Variants in PRKCE observed in about 807,000 individuals in gnomAD.
PRKCE encodes the protein protein kinase C epsilon type.
A neutral mutation model predicts 85.4 loss-of-function variants in PRKCE; 16 were observed. That is an observed-to-expected ratio of 0.19 (90% CI 0.13 to 0.28). The LOEUF (loss-of-function observed/expected upper bound fraction) is 0.28. Among genes scored for constraint, PRKCE ranks in the 10% least tolerant of loss-of-function variants. The pLI, the probability that PRKCE is intolerant of heterozygous loss-of-function variation, is 1.00. For missense variants in PRKCE, 573 were observed against 975.2 expected, an observed-to-expected ratio of 0.59 and a Z score of 5.49; for synonymous variants, 388 against 371.5, an observed-to-expected ratio of 1.04 and a Z score of -0.51.
chr2:45,671,565 G>T (rs1366532187), intron 1 of PRKCE, among the ~76,000 whole-genome samples: 1 of 151,952 alleles, frequency 6.6e-6, no homozygotes, highest in Non-Finnish European at 1.5e-5. Flanking sequence ...CTTATTCTTT[G>T]CCTTCCATTC....
intron 11 of PRKCE, among the ~76,000 whole-genome samples, chr2:46,116,446 T>C (rs1357468100): frequency 6.6e-6 from 1 of 152,234 alleles, no homozygotes; most frequent in African/African-American, 2.4e-5. Context: ...AATAATTAGA[T>C]GATTAAGAAA....
At chr2:45,966,551 T>C (rs540096358) in intron 2 of PRKCE, among the ~76,000 whole-genome samples, 2 of 152,214 alleles carry the variant, frequency 1.3e-5, no homozygotes, top group Non-Finnish European at 2.9e-5. Context: ...TTCTTTGTGT[T>C]GTAAAATTAC....
chr2:45,831,313 A>T (rs2105398025), intron 1 of PRKCE, among the ~76,000 whole-genome samples: 1 of 152,378 alleles, frequency 6.6e-6, no homozygotes, highest in African/African-American at 2.4e-5. Context: ...TATACACAAA[A>T]CATGGAAATT....
chr2:45,884,258 C>T (rs1695082130), intron 2 of PRKCE, among the ~76,000 whole-genome samples: 1 of 152,170 alleles, frequency 6.6e-6, no homozygotes, highest in Non-Finnish European at 1.5e-5. Flanking sequence ...CCTCTGAGTT[C>T]AGTTTCCTCC....
chr2:45,787,187 A>G (rs943608207), intron 1 of PRKCE, among the ~76,000 whole-genome samples: 1 of 152,228 alleles, frequency 6.6e-6, no homozygotes, highest in African/African-American at 2.4e-5. Context: ...GAGCTTCTCA[A>G]CAGGAGCTGG....
chr2:45,781,858 A>G (rs1057166078), intron 1 of PRKCE, among the ~76,000 whole-genome samples: 1 of 152,112 alleles, frequency 6.6e-6, no homozygotes, highest in Non-Finnish European at 1.5e-5. Context: ...TCATTGCTAG[A>G]GGGGACCACA....
At chr2:45,792,179 G>T (rs143698148) in intron 1 of PRKCE, among the ~76,000 whole-genome samples, 1 of 152,228 alleles carries the variant, frequency 6.6e-6, no homozygotes, top group Admixed American at 6.5e-5. Context: ...AAGGGGAAGT[G>T]GTGCAAAGAG....
intron 2 of PRKCE, among the ~76,000 whole-genome samples, chr2:45,945,967 A>T (rs1206023095): frequency 6.6e-6 from 1 of 152,248 alleles, no homozygotes; most frequent in Admixed American, 6.5e-5. Flanking sequence ...ATGATAAACC[A>T]AAAAATGGGG....
chr2:45,660,966 C>T (rs555396550), intron 1 of PRKCE, among the ~76,000 whole-genome samples: 1 of 152,212 alleles, frequency 6.6e-6, no homozygotes, highest in African/African-American at 2.4e-5. Flanking sequence ...TAATACTGTG[C>T]TGGGGAAGAG....
chr2:45,702,045 C>T (rs577256782), intron 1 of PRKCE, among the ~76,000 whole-genome samples: 72 of 152,130 alleles, frequency 4.7e-4, no homozygotes, highest in African/African-American at 1.5e-3. Flanking sequence ...AAAAATTAGC[C>T]GGACTTGGTG....
intron 1 of PRKCE, among the ~76,000 whole-genome samples, chr2:45,817,066 A>AGTGTGTGTGTGTGTGTGT (rs200785601): frequency 1.0e-4 from 14 of 135,788 alleles, no homozygotes; most frequent in South Asian, 2.6e-4. Flanking sequence ...CTGTAAGTAG[A>AGTGTGTGTGTGTGTGTGT]GTGTGTGTGT....
chr2:46,162,220 A>G (rs1229348602), intron 14 of PRKCE, among the ~76,000 whole-genome samples: 1 of 152,004 alleles, frequency 6.6e-6, no homozygotes, highest in African/African-American at 2.4e-5. Flanking sequence ...CTCTGCCTGG[A>G]TGTCTAGAGC....
intron 10 of PRKCE, chr2:46,078,022 A>C (rs1053577929): frequency 6.6e-6 from 1 of 152,260 alleles, no homozygotes; most frequent in Admixed American, 6.5e-5. Flanking sequence ...AAGTTCTCCA[A>C]AGTGGCTGTA....
intron 1 of PRKCE, among the ~76,000 whole-genome samples, chr2:45,784,003 A>G (rs1686397502): frequency 6.6e-6 from 1 of 152,270 alleles, no homozygotes; most frequent in Admixed American, 6.5e-5. Flanking sequence ...ATGTCAGTTC[A>G]GTCACACACA....
chr2:45,982,642 T>G (rs192544040), intron 5 of PRKCE, among the ~76,000 whole-genome samples: 32 of 152,312 alleles, frequency 2.1e-4, no homozygotes, highest in Non-Finnish European at 1.0e-4. Context: ...ATCTGTGTCC[T>G]CCTCAGCAAG....
chr2:45,839,381 G>A (rs1417077294), intron 1 of PRKCE, among the ~76,000 whole-genome samples: 13 of 152,084 alleles, frequency 8.5e-5, no homozygotes, highest in African/African-American at 3.1e-4. Context: ...CCAAGGCACC[G>A]TAGTGTGAAA....
chr2:46,167,238 A>G (rs1678427716), intron 14 of PRKCE, among the ~76,000 whole-genome samples: 1 of 152,098 alleles, frequency 6.6e-6, no homozygotes, highest in Admixed American at 6.6e-5. Flanking sequence ...GAAAGTCACC[A>G]CTTCTCTCTG....
At chr2:45,965,134 A>G (rs762369151) in intron 2 of PRKCE, among the ~76,000 whole-genome samples, 1 of 152,224 alleles carries the variant, frequency 6.6e-6, no homozygotes, top group Non-Finnish European at 1.5e-5. Flanking sequence ...GGGAAGATAC[A>G]GATAGCATCG....
At chr2:46,013,795 C>A (rs937832836) in intron 10 of PRKCE, among the ~76,000 whole-genome samples, 4 of 152,052 alleles carry the variant, frequency 2.6e-5, no homozygotes, top group African/African-American at 9.7e-5. Context: ...AAAAAATGGT[C>A]CTTTTGGAAA....
Sources: gnomAD v4.1 joint callset for allele counts (sites outside exome capture counted in the v4.1 genomes callset) on GRCh38, gnomAD v4.1.1 for gene constraint, MANE v1.5 for transcripts, NCBI Gene and HGNC (gene_info 2026-07-23, HGNC 2026-07-21) for gene names.